Variants in ENOX1 observed in about 807,000 individuals in gnomAD.
ENOX1 encodes the protein ecto-NOX disulfide-thiol exchanger 1, also known as candidate growth-related and time keeping constitutive hydroquinone (NADH) oxidase.
A neutral mutation model predicts 82.5 loss-of-function variants in ENOX1; 42 were observed. That is an observed-to-expected ratio of 0.51 (90% CI 0.40 to 0.66). The LOEUF (loss-of-function observed/expected upper bound fraction) is 0.66. Ranked by LOEUF, ENOX1 falls within the 30% of genes least tolerant of loss-of-function variation. The pLI is 0.00. For synonymous variants in ENOX1, 271 were observed against 282.2 expected (o/e 0.96, Z 0.40); for missense variants, 608 against 811.6 (o/e 0.75, Z 3.05).
At chr13:43,289,108 T>C (rs2045863142) in intron 12 of ENOX1, among the ~76,000 whole-genome samples, 1 of 152,086 alleles carries the variant, frequency 6.6e-6, no homozygotes, top group African/African-American at 2.4e-5. Flanking sequence ...TGCTCATGGG[T>C]TGGAAGAATC....
chr13:43,430,181 T>G (rs544619929), intron 3 of ENOX1, among the ~76,000 whole-genome samples: 1 of 152,326 alleles, frequency 6.6e-6, no homozygotes, highest in African/African-American at 2.4e-5. Context: ...CTGATGTGGA[T>G]GAAGAAGTGT....
At chr13:43,247,188 C>A (rs907061193) in intron 14 of ENOX1, among the ~76,000 whole-genome samples, 1 of 152,036 alleles carries the variant, frequency 6.6e-6, no homozygotes, top group Non-Finnish European at 1.5e-5. Context: ...TGGCAGCATG[C>A]GCCTGTAATC....
intron 2 of ENOX1, among the ~76,000 whole-genome samples, chr13:43,495,834 GT>G (rs750448887): frequency 4.6e-5 from 7 of 151,878 alleles, no homozygotes; most frequent in Non-Finnish European, 7.4e-5. Flanking sequence ...CCTCACCAAT[GT>G]TTGGTGAGCT....
At chr13:43,281,526 C>G (rs941386690) in intron 12 of ENOX1, among the ~76,000 whole-genome samples, 1 of 152,168 alleles carries the variant, frequency 6.6e-6, no homozygotes, top group African/African-American at 2.4e-5. Context: ...CAGCTTCACA[C>G]TTATTATTAA....
chr13:43,774,826 C>A (rs543418108), intron 1 of ENOX1, among the ~76,000 whole-genome samples: 2 of 152,156 alleles, frequency 1.3e-5, no homozygotes, highest in Admixed American at 1.3e-4. Flanking sequence ...ATCCATGCCA[C>A]AAGCCACAAG....
chr13:43,508,470 C>T (rs1010134703), intron 2 of ENOX1, among the ~76,000 whole-genome samples: 4 of 151,972 alleles, frequency 2.6e-5, no homozygotes, highest in African/African-American at 9.7e-5. Flanking sequence ...GTTACAGCAA[C>T]ACAGACTAAG....
chr13:43,774,248 G>A (rs758022937), intron 1 of ENOX1, among the ~76,000 whole-genome samples: 22 of 152,308 alleles, frequency 1.4e-4, no homozygotes, highest in Middle Eastern at 3.4e-3. Context: ...ATGGATCAAA[G>A]ACTAGAATTC....
chr13:43,297,224 C>T, intron 12 of ENOX1, among the ~76,000 whole-genome samples: 1 of 152,118 alleles, frequency 6.6e-6, no homozygotes, highest in South Asian at 2.1e-4. Flanking sequence ...TTTTTATACT[C>T]TCCCTCTCAA....
chr13:43,589,613 T>C (rs574345293), intron 2 of ENOX1, among the ~76,000 whole-genome samples: 31 of 103,976 alleles, frequency 3.0e-4, no homozygotes, highest in African/African-American at 9.5e-4. Context: ...CAAGCAATTC[T>C]CCCACCTCGA....
chr13:43,252,337 A>G (rs768732730), intron 14 of ENOX1, among the ~76,000 whole-genome samples: 9 of 152,214 alleles, frequency 5.9e-5, no homozygotes, highest in Non-Finnish European at 1.3e-4. Flanking sequence ...TAAGTGTTCC[A>G]AGCCTGGCGG....
At chr13:43,712,043 T>G (rs1354566542) in intron 1 of ENOX1, among the ~76,000 whole-genome samples, 4 of 151,880 alleles carry the variant, frequency 2.6e-5, no homozygotes, top group Non-Finnish European at 5.9e-5. Flanking sequence ...TCTAGGTTTT[T>G]TATGGTTTTA....
In ENOX1 at chr13:43,651,695, T is replaced by TAAAAAAAAAAAAAAAAA. The variant is rs57810969; in HGVS notation, c.-219+15783_-219+15784insTTTTTTTTTTTTTTTTT. ...CTGGGCGACATAGCGAGACTCTGTC[T>TAAAAAAAAAAAAAAAAA]AAAAAAAAAAATCACACCTATAATC... On this transcript the variant is annotated intron_variant, in intron 2 of 16. Coordinates refer to ENST00000690772, the MANE Select transcript of ENOX1 (RefSeq NM_001347969.2). 3.8e-4 allele frequency among the ~76,000 whole-genome samples: 37 copies of TAAAAAAAAAAAAAAAAA among 96,930 alleles called. 2 individuals carry two copies. Among genetic ancestry groups the TAAAAAAAAAAAAAAAAA allele is most frequent in the South Asian group, 1.7e-3 (5 of 2,906 alleles). The allele number at this position is 96,930 out of a possible 152,430, so 63.6% of individuals were successfully genotyped here. A position where few individuals can be genotyped will look rare whatever the true frequency, so the allele number is the denominator to read the frequency against.
intron 1 of ENOX1, among the ~76,000 whole-genome samples, chr13:43,770,337 T>G (rs544528149): frequency 6.6e-6 from 1 of 152,188 alleles, no homozygotes; most frequent in African/African-American, 2.4e-5. Context: ...TCTGGAAAGT[T>G]AATGTGCTCC....
rs191355586 is a variant in ENOX1 at position 43,499,019 on chromosome 13, C to T, written c.-218-14867G>A. Among the ~76,000 whole-genome samples, 662 of 152,140 alleles carry T rather than the reference C, an allele frequency of 4.4e-3. 9 individuals carry two copies. Among genetic ancestry groups the T allele is most frequent in the African/African-American group, 0.015 (629 of 41,514 alleles). ...TTAAAGTCATGTTGATATCATGTAC[C>T]TTTGATATTATGATAAATGTACTTT... On this transcript the variant is annotated intron_variant, in intron 2 of 16. Coordinates refer to ENST00000690772, the MANE Select transcript of ENOX1 (RefSeq NM_001347969.2).
intron 2 of ENOX1, among the ~76,000 whole-genome samples, chr13:43,657,836 G>A (rs568149254): frequency 3.0e-4 from 45 of 152,162 alleles, no homozygotes; most frequent in Admixed American, 2.0e-3. Context: ...TTATAAATTC[G>A]GGCCTCATTA....
Position 43,408,522 on chromosome 13 carries a change from TAAA to T in ENOX1, c.208+3391_208+3393del. ...AATCTTTAAGTCCCTTCTGAAACAT[TAAA>T]GGCTGCCTCTAACATTCTGCATTCA... On this transcript the variant is annotated intron_variant, in intron 5 of 16. Coordinates refer to ENST00000690772, the MANE Select transcript of ENOX1 (RefSeq NM_001347969.2). Among the ~76,000 whole-genome samples, 3 of 152,296 alleles carry T rather than the reference TAAA, an allele frequency of 2.0e-5. No individual in the cohort carries two copies. In the South Asian group the frequency reaches 6.2e-4, roughly 32 times the overall value.
intron 14 of ENOX1, among the ~76,000 whole-genome samples, chr13:43,244,341 T>C (rs570345989): frequency 2.7e-4 from 41 of 152,228 alleles, no homozygotes; most frequent in Middle Eastern, 3.4e-3. Flanking sequence ...ACAGGATTGA[T>C]TGGATATGGA....
chr13:43,349,026 C>T (rs1050328084), intron 8 of ENOX1, among the ~76,000 whole-genome samples: 1 of 152,100 alleles, frequency 6.6e-6, no homozygotes, highest in Non-Finnish European at 1.5e-5. Context: ...ATGTATCCCC[C>T]AAAGGTAAGG....
intron 3 of ENOX1, among the ~76,000 whole-genome samples, chr13:43,472,426 G>A (rs1191560187): frequency 6.6e-6 from 1 of 152,088 alleles, no homozygotes; most frequent in Non-Finnish European, 1.5e-5. Flanking sequence ...CTAGTAGAAA[G>A]GAAATATTAT....
Sources: gnomAD v4.1 joint callset for allele counts (sites outside exome capture counted in the v4.1 genomes callset) on GRCh38, gnomAD v4.1.1 for gene constraint, MANE v1.5 for transcripts, NCBI Gene and HGNC (gene_info 2026-07-23, HGNC 2026-07-21) for gene names.